SLC10A7: variants seen among roughly 807,000 people sequenced by gnomAD.
The protein encoded by SLC10A7 is sodium/bile acid cotransporter 7.
SLC10A7 carries 29 observed loss-of-function variants against 43.2 expected under a neutral mutation model. That is an observed-to-expected ratio of 0.67 (90% CI 0.50 to 0.92). The LOEUF (loss-of-function observed/expected upper bound fraction) is 0.92, where lower values mean the gene tolerates loss of function less well. SLC10A7 is among the 40% of genes least tolerant of loss of function. The pLI, the probability that SLC10A7 is intolerant of heterozygous loss-of-function variation, is 0.00. For missense variants in SLC10A7, 295 were observed against 403.2 expected, an observed-to-expected ratio of 0.73 and a Z score of 2.30; for synonymous variants, 152 against 144.8, an observed-to-expected ratio of 1.05 and a Z score of -0.35.
At chr4:146,392,806 T>C (rs913425524) in intron 5 of SLC10A7, among the ~76,000 whole-genome samples, 1 of 152,070 alleles carries the variant, frequency 6.6e-6, no homozygotes, top group Admixed American at 6.6e-5. Flanking sequence ...CTATTGCCCT[T>C]AGAGTAAAGC....
chr4:146,268,381 T>A (rs1204269636), intron 10 of SLC10A7, among the ~76,000 whole-genome samples: 2 of 152,156 alleles, frequency 1.3e-5, no homozygotes, highest in East Asian at 3.8e-4. Context: ...ATAAACTTGA[T>A]GTCTAAGGCC....
intron 2 of SLC10A7, 127 bp from the exon 3 acceptor site, chr4:146,510,176 C>T (rs953138290): frequency 5.1e-6 from 4 of 779,514 alleles, no homozygotes; most frequent in Non-Finnish European, 7.7e-6. Flanking sequence ...AAATTTTTAT[C>T]TATAAGTATA....
chr4:146,475,043 T>A (rs1376848979), intron 4 of SLC10A7, among the ~76,000 whole-genome samples: 3 of 152,204 alleles, frequency 2.0e-5, no homozygotes, highest in Non-Finnish European at 4.4e-5. Context: ...GTGGTATAGC[T>A]ATGGCTTCAG....
intron 4 of SLC10A7, chr4:146,477,956 A>C (rs946258116): frequency 6.6e-6 from 1 of 152,234 alleles, no homozygotes; most frequent in Non-Finnish European, 1.5e-5. Flanking sequence ...ATTTCAATCA[A>C]GCACGAGAGT....
At chr4:146,503,988 T>C in intron 3 of SLC10A7, 64 bp from the exon 4 acceptor site, 1 of 1,341,156 alleles carries the variant, frequency 7.5e-7, no homozygotes, top group Non-Finnish European at 1.1e-6. Flanking sequence ...TTCACTACAT[T>C]CATTCTAAAA....
At chr4:146,299,327 G>A (rs80283002) in intron 7 of SLC10A7, among the ~76,000 whole-genome samples, 9,469 of 152,202 alleles carry the variant, frequency 0.062, 381 homozygotes, top group South Asian at 0.16. Context: ...GTGACTCAGT[G>A]GATTAAACTA....
chr4:146,364,526 T>C (rs1378032275), intron 5 of SLC10A7, among the ~76,000 whole-genome samples: 1 of 152,100 alleles, frequency 6.6e-6, no homozygotes, highest in African/African-American at 2.4e-5. Flanking sequence ...ATAAGCCAAG[T>C]GCAGAACAAC....
intron 5 of SLC10A7, among the ~76,000 whole-genome samples, chr4:146,383,993 C>T (rs894040563): frequency 1.3e-5 from 2 of 152,060 alleles, no homozygotes; most frequent in Non-Finnish European, 2.9e-5. Context: ...TAGGGGAAGT[C>T]GTTTCAAACA....
chr4:146,488,491 TAAG>T (rs2149999842), intron 4 of SLC10A7, among the ~76,000 whole-genome samples: 1 of 152,272 alleles, frequency 6.6e-6, no homozygotes, highest in African/African-American at 2.4e-5. Flanking sequence ...CATCCAAAAT[TAAG>T]GAGGGAAAAA....
At chr4:146,492,417 G>A (rs1438382926) in intron 4 of SLC10A7, among the ~76,000 whole-genome samples, 1 of 151,874 alleles carries the variant, frequency 6.6e-6, no homozygotes, top group Non-Finnish European at 1.5e-5. Context: ...CCCCAGGCTG[G>A]AGTGTGTTGC....
intron 5 of SLC10A7, among the ~76,000 whole-genome samples, chr4:146,369,967 A>G (rs1160258013): frequency 6.6e-6 from 1 of 152,176 alleles, no homozygotes; most frequent in East Asian, 1.9e-4. Flanking sequence ...AGATAAAAAC[A>G]CTAAAAATAA....
intron 4 of SLC10A7, among the ~76,000 whole-genome samples, chr4:146,483,370 T>C (rs932600849): frequency 1.3e-5 from 2 of 152,142 alleles, no homozygotes; most frequent in Admixed American, 6.5e-5. Context: ...AGTTCTTGTA[T>C]GTGACAGAAA....
At chr4:146,469,625 C>G (rs548688279) in intron 4 of SLC10A7, among the ~76,000 whole-genome samples, 3 of 151,958 alleles carry the variant, frequency 2.0e-5, no homozygotes, top group African/African-American at 7.2e-5. Context: ...TGTATAAAAC[C>G]CAAAGATTAT....
At chr4:146,413,970 T>C (rs985041844) in intron 5 of SLC10A7, among the ~76,000 whole-genome samples, 2 of 152,176 alleles carry the variant, frequency 1.3e-5, no homozygotes, top group Admixed American at 6.5e-5. Flanking sequence ...AGGGAACTTT[T>C]AATGGCCCAG....
In SLC10A7 at chr4:146,448,402, G is replaced by A. The variant is rs184192025; in HGVS notation, c.397-5581C>T. Among the ~76,000 whole-genome samples the A allele has an allele frequency of 3.9e-5, 6 of 152,068 alleles. No individual in the cohort carries two copies. The East Asian group carries it at 1.2e-3, about 29-fold the overall frequency. ...ACTGCCATGCACTGGACCATGTTCT[G>A]TGCTCTGGAGTTACATAAATATGTC... On this transcript the variant is annotated intron_variant, in intron 4 of 11. Transcript: ENST00000335472.
At chr4:146,350,790 AGG>A (rs1212463481) in intron 5 of SLC10A7, among the ~76,000 whole-genome samples, 1 of 106,904 alleles carries the variant, frequency 9.4e-6, no homozygotes, top group African/African-American at 4.5e-5. Context: ...CTCACACGGC[AGG>A]GTATTCCAAC....
chr4:146,383,631 T>C (rs528056465), intron 5 of SLC10A7, among the ~76,000 whole-genome samples: 16 of 152,298 alleles, frequency 1.1e-4, no homozygotes, highest in African/African-American at 3.6e-4. Flanking sequence ...GCTTTGTGTG[T>C]TTTGTCCAAT....
At chr4:146,384,032 A>T (rs1026587755) in intron 5 of SLC10A7, among the ~76,000 whole-genome samples, 3 of 152,170 alleles carry the variant, frequency 2.0e-5, no homozygotes, top group Admixed American at 6.6e-5. Flanking sequence ...TCAGTTACAC[A>T]TCAAAGGTAT....
rs1303841843 is a variant in SLC10A7 at position 146,442,821 on chromosome 4, C to T, written c.397G>A (p.Ala133Thr). The change falls in exon 5 of 12, where the codon GCA becomes ACA. Residue 133 changes from alanine to threonine, a missense_variant and splice_region_variant. Coordinates refer to ENST00000335472, the MANE Select transcript of SLC10A7 (RefSeq NM_001029998.6). ...ILTKAVGGNE[A>T]AAIFNSAFGS... is the part of the protein sequence containing the mutation. ...AAGGCTGAATTAAATATTGCAGCTG[C>T]CTATGAAGAAAATAAATAGGGGAAA... 1 of 1,578,380 alleles carries T rather than the reference C, an allele frequency of 6.3e-7. No individual in the cohort carries two copies.
Sources: allele counts gnomAD v4.1 joint callset (sites outside exome capture counted in the v4.1 genomes callset), GRCh38; gene constraint gnomAD v4.1.1; transcripts MANE v1.5; gene names NCBI Gene and HGNC (gene_info 2026-07-23, HGNC 2026-07-21).